Variants in NBPF10 observed in about 807,000 individuals in gnomAD.
NBPF10 encodes the protein NBPF member 10, also known as NBPF family member NBPF10.
In NBPF10, 63 loss-of-function variants were observed where a neutral mutation model predicts 77.9. That is an observed-to-expected ratio of 0.81 (90% CI 0.66 to 1.00). The LOEUF (loss-of-function observed/expected upper bound fraction) is 1.00. Ranked by LOEUF, NBPF10 falls within the 50% of genes least tolerant of loss-of-function variation. The pLI is 0.00. For missense variants in NBPF10, 522 were observed against 679.8 expected, an observed-to-expected ratio of 0.77 and a Z score of 2.58; for synonymous variants, 146 against 264.5, an observed-to-expected ratio of 0.55 and a Z score of 4.35.
intron 14 of NBPF10, among the ~76,000 whole-genome samples, 199 bp downstream of exon 14, chr1:146,126,037 G>A (rs5000139): frequency 6.6e-6 from 1 of 151,764 alleles, no homozygotes; most frequent in Non-Finnish European, 1.5e-5. Context: ...CCTGAGACTA[G>A]GAAGAGAGCC....
At chr1:146,140,294 G>T (rs1159413023) in intron 4 of NBPF10, among the ~76,000 whole-genome samples, 190 bp downstream of exon 4, 1 of 127,626 alleles carries the variant, frequency 7.8e-6, no homozygotes, top group Admixed American at 7.8e-5. Context: ...GCATGGTACA[G>T]ACATGACACT....
chr1:146,134,295 T>A (rs1553794073), intron 8 of NBPF10, 30 bp from the exon 9 acceptor site: 3 of 1,600,638 alleles, frequency 1.9e-6, no homozygotes, highest in Middle Eastern at 2.3e-4. Context: ...CGTTCAGGTA[T>A]TTCCCACTTC....
intron 77 of NBPF10, among the ~76,000 whole-genome samples, chr1:146,076,300 C>CAGAGAG (rs1263133381): frequency 1.1e-4 from 1 of 9,238 alleles, no homozygotes; most frequent in Non-Finnish European, 3.4e-4. Flanking sequence ...CACACACACA[C>CAGAGAG]ACAGAGAGAG....
At chr1:146,130,767 C>T (rs1453046944) in intron 11 of NBPF10, among the ~76,000 whole-genome samples, 22 of 133,988 alleles carry the variant, frequency 1.6e-4, no homozygotes, top group Non-Finnish European at 2.7e-4. Flanking sequence ...CAAAAACATG[C>T]CAAACTGTAA....
exon 7 of NBPF10, chr1:146,136,453 A>G: frequency 6.2e-7 from 1 of 1,612,432 alleles, no homozygotes; most frequent in Non-Finnish European, 8.5e-7. Flanking sequence ...CACTCTTCAT[A>G]TTCTGAGAAA....
At chr1:146,069,412 C>T in intron 86 of NBPF10, 131 bp downstream of exon 86, 2 of 506,750 alleles carry the variant, frequency 3.9e-6, no homozygotes, top group East Asian at 3.1e-5. Context: ...TTTCATTCAA[C>T]CTACATATGC....
chr1:146,067,891 C>A lies in NBPF10; in HGVS notation c.11035+112G>T, dbSNP rs587734079. 5.7e-6 allele frequency: 4 copies of A among 699,262 alleles called. No homozygotes were observed. In the South Asian group the frequency reaches 6.0e-5, roughly 10 times the overall value. The allele number at this position is 699,262 out of a possible 1,614,324, so 43.3% of individuals were successfully genotyped here. A position where few individuals can be genotyped will look rare whatever the true frequency, so the allele number is the denominator to read the frequency against. On this transcript the variant is annotated intron_variant, in intron 88 of 89. Coordinates refer to ENST00000583866, the Ensembl canonical transcript of NBPF10. ...TACAACCTATATGCGCCCATAGGTC[C>A]TGCCTGCGGCAATGACGTCTCTCGG...
rs868953968 is a variant in NBPF10, at chr1:146,126,689, A to G, written c.1854-281T>C. 5.0e-3 allele frequency among the ~76,000 whole-genome samples: 726 copies of G among 145,878 alleles called. 17 individuals carry two copies. The highest frequency in any genetic ancestry group is 0.034 in the South Asian group (150 of 4,416). On this transcript the variant is annotated intron_variant, in intron 13 of 89. Transcript: ENST00000583866. Reference sequence around the variant, plus strand: ...CACACTGATGAGGGAGTCAAAGGACACTCTGTATTTGTGCTCTCAGGACAC... The same window carrying G: ...CACACTGATGAGGGAGTCAAAGGACGCTCTGTATTTGTGCTCTCAGGACAC...
At chr1:146,129,902 T>TAG (rs1659119129) in intron 11 of NBPF10, among the ~76,000 whole-genome samples, 1 of 102,704 alleles carries the variant, frequency 9.7e-6, no homozygotes, top group Admixed American at 9.9e-5. Context: ...TATGTATATA[T>TAG]ATATATATAT....
intron 13 of NBPF10, 35 bp from the exon 14 acceptor site, chr1:146,126,443 G>A (rs1553790034): frequency 1.1e-6 from 1 of 907,248 alleles, no homozygotes; most frequent in African/African-American, 1.7e-5. Context: ...AATAAGCCAG[G>A]GGGAATCAGA....
At chr1:146,068,116 C>T (rs1245847915) in exon 88 of NBPF10, 24 of 508,206 alleles carry the variant, frequency 4.7e-5, no homozygotes, top group Non-Finnish European at 7.7e-5. Flanking sequence ...CGAATAACAT[C>T]TATCCAGTGA....
At chr1:146,139,086 GACTT>G (rs1660006549) in intron 5 of NBPF10, among the ~76,000 whole-genome samples, 1 of 121,278 alleles carries the variant, frequency 8.2e-6, no homozygotes, top group African/African-American at 2.8e-5. Context: ...CCTGGTCAGA[GACTT>G]ACTTTTTTTT....
rs1376743374 is a variant in NBPF10, at chr1:146,139,186, G to A, written c.778+623C>T. ...ACAATCTCGGCTCACTGCAAGCTCCGGTTCCTGGGTTCATGCCATTCTCCT... is the reference window on the plus strand; with the variant it reads ...ACAATCTCGGCTCACTGCAAGCTCCAGTTCCTGGGTTCATGCCATTCTCCT... On this transcript the variant is annotated intron_variant, in intron 5 of 89. Transcript: ENST00000583866. 5.0e-3 allele frequency among the ~76,000 whole-genome samples: 709 copies of A among 141,324 alleles called. 3 individuals are homozygous for A. Among genetic ancestry groups the A allele is most frequent in the South Asian group, 7.1e-3 (30 of 4,202 alleles). 92.7% of individuals were successfully genotyped at this position (141,324 alleles called of 152,430 possible).
At position 146,136,232 on chromosome 1, in the gene NBPF10, T is replaced by C. The variant is rs587668433; in HGVS notation, c.1091+121A>G. 2.1e-5 allele frequency: 18 copies of C among 841,146 alleles called. No homozygotes were observed. In the African/African-American group the frequency reaches 2.3e-4, roughly 11 times the overall value. 52.1% of individuals were successfully genotyped at this position (841,146 alleles called of 1,614,324 possible). A position where few individuals can be genotyped will look rare whatever the true frequency, so the allele number is the denominator to read the frequency against. Reference sequence around the variant, plus strand: ...GATAAATATTTGTGTGTAGCGAGCCTGCCATGGCAATTCCTGCCCTTCCCC... The same window carrying C: ...GATAAATATTTGTGTGTAGCGAGCCCGCCATGGCAATTCCTGCCCTTCCCC... On this transcript the variant is annotated intron_variant, in intron 7 of 89. Coordinates refer to ENST00000583866, the Ensembl canonical transcript of NBPF10.
chr1:146,142,919 C>T (rs1553797999), intron 1 of NBPF10, among the ~76,000 whole-genome samples, 167 bp from the exon 2 acceptor site: 7 of 104,934 alleles, frequency 6.7e-5, no homozygotes, highest in South Asian at 7.5e-4. Flanking sequence ...GACTTTCTGG[C>T]ATCTGATCCT....
intron 2 of NBPF10, among the ~76,000 whole-genome samples, chr1:146,142,434 G>A (rs1282782782): frequency 1.2e-4 from 16 of 134,166 alleles, no homozygotes; most frequent in African/African-American, 4.0e-4. Context: ...ACAATTACTT[G>A]TTTGAAAAAG....
At chr1:146,126,766 G>A (rs1393900306) in intron 13 of NBPF10, among the ~76,000 whole-genome samples, 4 of 138,048 alleles carry the variant, frequency 2.9e-5, no homozygotes, top group Admixed American at 1.5e-4. Context: ...TGCATAAAAT[G>A]TGCTCAAGTT....
At position 146,126,139 on chromosome 1, in the gene NBPF10, G is replaced by C. The variant is rs868969401; in HGVS notation, c.2026+97C>G. ...GCCTATAGGTCCTCCCTGTGGCAAT[G>C]ACATCTCTCAGCTCAGTAACGGCCA... On this transcript the variant is annotated intron_variant, in intron 14 of 89. Coordinates refer to ENST00000583866, the Ensembl canonical transcript of NBPF10. 1.1e-5 allele frequency: 9 copies of C among 809,120 alleles called. No homozygotes were observed. In the African/African-American group the frequency reaches 1.2e-4, roughly 11 times the overall value. The allele number at this position is 809,120 out of a possible 1,614,324, so 50.1% of individuals were successfully genotyped here. A position where few individuals can be genotyped will look rare whatever the true frequency, so the allele number is the denominator to read the frequency against.
chr1:146,076,286 C>CAG (rs1656041365), intron 77 of NBPF10, among the ~76,000 whole-genome samples: 4 of 10,620 alleles, frequency 3.8e-4, no homozygotes, highest in Admixed American at 1.9e-3. Flanking sequence ...CACACACACA[C>CAG]ACACACACAC....
Sources: allele counts gnomAD v4.1 joint callset (sites outside exome capture counted in the v4.1 genomes callset), GRCh38; gene constraint gnomAD v4.1.1; transcripts MANE v1.5; gene names NCBI Gene and HGNC (gene_info 2026-07-23, HGNC 2026-07-21).